The following RAB3GAP1 variants were observed in gnomAD, a reference collection of about 807,000 sequenced individuals.
The protein encoded by RAB3GAP1 is RAB3 GTPase activating protein catalytic subunit 1.
Under a neutral mutation model 130.7 loss-of-function variants are expected in RAB3GAP1, and 86 were observed. That is an observed-to-expected ratio of 0.66 (90% CI 0.55 to 0.79). The LOEUF (loss-of-function observed/expected upper bound fraction) is 0.79, where lower values mean the gene tolerates loss of function less well. RAB3GAP1 is among the 30% of genes least tolerant of loss of function. The probability of loss-of-function intolerance (pLI) is 0.00; values close to 1 mark genes in which losing one functional copy is unlikely to be tolerated. For missense variants in RAB3GAP1, 1,029 were observed against 1,169.4 expected, an observed-to-expected ratio of 0.88 and a Z score of 1.75; for synonymous variants, 367 against 401.7, an observed-to-expected ratio of 0.91 and a Z score of 1.03.
At chr2:135,118,531 CTG>C (rs1219161952) in intron 7 of RAB3GAP1, among the ~76,000 whole-genome samples, 1 of 152,082 alleles carries the variant, frequency 6.6e-6, no homozygotes, top group Non-Finnish European at 1.5e-5. Context: ...TATATCATGA[CTG>C]TTGATTTGGA....
chr2:135,088,220 T>G (rs1490123469), intron 3 of RAB3GAP1, among the ~76,000 whole-genome samples: 1 of 152,204 alleles, frequency 6.6e-6, no homozygotes, highest in African/African-American at 2.4e-5. Context: ...CTGGACTTTC[T>G]TTTACCTAGT....
chr2:135,117,687 T>TCTTCTGCTTCTG (rs1558784650), intron 7 of RAB3GAP1, among the ~76,000 whole-genome samples: 6 of 112,480 alleles, frequency 5.3e-5, no homozygotes, highest in African/African-American at 2.5e-4. Context: ...TGCTTCTGCT[T>TCTTCTGCTTCTG]CTTCTTCTGC....
At chr2:135,098,547 A>G (rs1212468651) in intron 5 of RAB3GAP1, among the ~76,000 whole-genome samples, 1 of 152,090 alleles carries the variant, frequency 6.6e-6, no homozygotes, top group Admixed American at 6.6e-5. Flanking sequence ...GAATTATTCA[A>G]AATCTGAGGG....
At chr2:135,130,120 A>G (rs368456139) in intron 12 of RAB3GAP1, 33 bp downstream of exon 12, 29 of 1,493,782 alleles carry the variant, frequency 1.9e-5, no homozygotes, top group Non-Finnish European at 2.6e-5. Flanking sequence ...ATTACTTTCA[A>G]ATGTCTTACT....
chr2:135,143,815 C>G (rs1433558681), intron 17 of RAB3GAP1, among the ~76,000 whole-genome samples: 1 of 152,202 alleles, frequency 6.6e-6, no homozygotes, highest in African/African-American at 2.4e-5. Context: ...TCCCAAAGTG[C>G]TGGGATTACA....
intron 18 of RAB3GAP1, among the ~76,000 whole-genome samples, chr2:135,151,875 T>A (rs1692185497): frequency 6.6e-6 from 1 of 152,208 alleles, no homozygotes; most frequent in African/African-American, 2.4e-5. Flanking sequence ...GGGAGGACAT[T>A]CCAAATAGGA....
At chr2:135,126,743 G>A in intron 11 of RAB3GAP1, 87 bp downstream of exon 11, 1 of 1,161,660 alleles carries the variant, frequency 8.6e-7, no homozygotes, top group South Asian at 1.2e-5. Context: ...TTTATACTTT[G>A]TCACCTCTTC....
At chr2:135,057,554 C>T (rs756691475) in intron 2 of RAB3GAP1, among the ~76,000 whole-genome samples, 1 of 152,132 alleles carries the variant, frequency 6.6e-6, no homozygotes, top group Non-Finnish European at 1.5e-5. Context: ...GCCACCACAC[C>T]GGGCTAATTT....
At chr2:135,117,711 G>GCTT (rs1321223336) in intron 7 of RAB3GAP1, among the ~76,000 whole-genome samples, 1 of 22,042 alleles carries the variant, frequency 4.5e-5, no homozygotes. Flanking sequence ...TTCTGCTTCT[G>GCTT]CTTCTTCTTC....
In RAB3GAP1 at chr2:135,130,691, AAAT is replaced by A. The variant is rs1204162844; in HGVS notation, c.1210_1212del (p.Asn404del). On this transcript the variant is annotated inframe_deletion, in exon 13 of 24. Transcript: ENST00000264158. The stretch of plus-strand genomic sequence containing the variant: ...ACAGAGGTGTAGAGGAGTCACCGCT[AAAT>A]AATGATGTTCTTAATACTATTCTCC... 6.2e-7 allele frequency: 1 copy of A among 1,613,700 alleles called. No individual in the cohort carries two copies. The highest frequency in any genetic ancestry group is 8.5e-7 in the Non-Finnish European group (1 of 1,179,628).
At chr2:135,162,385 C>T in intron 19 of RAB3GAP1, 170 bp from the exon 20 acceptor site, 1 of 682,114 alleles carries the variant, frequency 1.5e-6, no homozygotes, top group Non-Finnish European at 2.7e-6. Flanking sequence ...GATTGAAGTT[C>T]TTAGGTGCTT....
intron 19 of RAB3GAP1, among the ~76,000 whole-genome samples, chr2:135,157,147 A>C (rs1362524692): frequency 6.6e-6 from 1 of 152,136 alleles, no homozygotes; most frequent in African/African-American, 2.4e-5. Flanking sequence ...CCTAGTAGCT[A>C]GGACTACAGG....
rs1411238022 is a variant in RAB3GAP1 at position 135,150,516 on chromosome 2, A to G, written c.2061+10A>G. On this transcript the variant is annotated intron_variant, in intron 18 of 23. Coordinates refer to ENST00000264158, the MANE Select transcript of RAB3GAP1 (RefSeq NM_012233.3). ...TATGGAGTCTTTTAAGGTGGGTCAC[A>G]CTTGCAGAGCTCTGGGGTCTATTTT... is the stretch of plus-strand genomic sequence containing the variant. 1.2e-6 allele frequency: 2 copies of G among 1,613,868 alleles called. No homozygotes were observed. The highest frequency in any genetic ancestry group is 1.1e-5 in the South Asian group (1 of 91,056).
intron 5 of RAB3GAP1, among the ~76,000 whole-genome samples, chr2:135,112,191 C>T (rs9287439): frequency 0.11 from 16,367 of 152,118 alleles, 2,182 homozygotes; most frequent in African/African-American, 0.32. Flanking sequence ...GTGGTGACCT[C>T]AAACTGTAAT....
downstream of RAB3GAP1, among the ~76,000 whole-genome samples, chr2:135,174,166 C>T (rs1257168885): frequency 6.6e-6 from 1 of 152,200 alleles, no homozygotes; most frequent in Admixed American, 6.5e-5. Context: ...AGTGGAAAGT[C>T]CCCCCTCTTG....
chr2:135,141,327 C>T (rs1002418522), intron 17 of RAB3GAP1, among the ~76,000 whole-genome samples: 14 of 150,762 alleles, frequency 9.3e-5, no homozygotes, highest in South Asian at 8.4e-4. Flanking sequence ...CGGGTTCAAG[C>T]GATTCTCCTG....
intron 5 of RAB3GAP1, among the ~76,000 whole-genome samples, chr2:135,103,033 T>A (rs1308406700): frequency 6.2e-5 from 8 of 129,096 alleles, no homozygotes; most frequent in African/African-American, 2.8e-4. Context: ...ATCATTTTTG[T>A]GATTTTTTTT....
downstream of RAB3GAP1, among the ~76,000 whole-genome samples, chr2:135,173,288 A>G (rs1035239116): frequency 6.6e-6 from 1 of 151,908 alleles, no homozygotes; most frequent in African/African-American, 2.4e-5. Context: ...CATGGACAGT[A>G]TGAGGTCACC....
At chr2:135,057,634 A>G (rs1689050537) in intron 2 of RAB3GAP1, among the ~76,000 whole-genome samples, 1 of 152,236 alleles carries the variant, frequency 6.6e-6, no homozygotes, top group Non-Finnish European at 1.5e-5. Context: ...GGCTGGAATT[A>G]CAGGCATGAG....
Sources: allele counts gnomAD v4.1 joint callset (sites outside exome capture counted in the v4.1 genomes callset), GRCh38; gene constraint gnomAD v4.1.1; transcripts MANE v1.5; gene names NCBI Gene and HGNC (gene_info 2026-07-23, HGNC 2026-07-21).